CD96: variants seen among roughly 807,000 people sequenced by gnomAD.
CD96 encodes T-cell surface protein tactile.
Under a neutral mutation model 71.3 loss-of-function variants are expected in CD96, and 70 were observed. The observed-to-expected ratio is 0.98, with a 90% CI of 0.81 to 1.20. The LOEUF (loss-of-function observed/expected upper bound fraction) is 1.20, where lower values mean the gene tolerates loss of function less well. Among genes scored for constraint, CD96 ranks in the 50% most tolerant of loss-of-function variants. The pLI is 0.00. For synonymous variants in CD96, 248 were observed against 233.0 expected (o/e 1.06, Z -0.59); for missense variants, 742 against 677.5 (o/e 1.10, Z -1.06).
In CD96 at chr3:111,623,817, C is replaced by T. The variant is rs886057766; in HGVS notation, c.1244C>T (p.Pro415Leu). ...AGTGCCTTGAGGCCAAACACCACTC[C>T]TCAACGTGAGTTCAGCAAAGTTTTC... The part of the protein sequence containing the change: ...DVSALRPNTT[P>L]QPSNSSMTTR... The change falls in exon 9 of 14, where the codon CCT becomes CTT. Residue 415 changes from proline (P) to leucine (L), a missense_variant. Physicochemically the swap from Pro to Leu is moderately conservative, Grantham distance 98 (BLOSUM62 -3). Transcript: ENST00000352690. The T allele has an allele frequency of 1.9e-6, 3 of 1,605,446 alleles. No individual in the cohort carries two copies. Among genetic ancestry groups the T allele is most frequent in the Non-Finnish European group, 2.6e-6 (3 of 1,172,230 alleles).
In CD96 at chr3:111,632,409, C is replaced by A. The variant is rs1006347559; in HGVS notation, c.1322-4787C>A. Among the ~76,000 whole-genome samples, 13 of 152,162 alleles carry A rather than the reference C, an allele frequency of 8.5e-5. No individual in the cohort carries two copies. The South Asian group carries it at 1.2e-3, about 15-fold the overall frequency. On this transcript the variant is annotated intron_variant, in intron 10 of 13. Coordinates refer to ENST00000352690, the MANE Select transcript of CD96 (RefSeq NM_005816.5). ...ATCATTAGAGAAATGCAAATCGAAACCGCAATGAGATACCATCTCACACCA... is the reference window on the plus strand; with the variant it reads ...ATCATTAGAGAAATGCAAATCGAAAACGCAATGAGATACCATCTCACACCA...
intron 2 of CD96, among the ~76,000 whole-genome samples, chr3:111,553,434 CTTT>C (rs34837219): frequency 8.7e-6 from 1 of 115,180 alleles, no homozygotes; most frequent in Admixed American, 9.4e-5. Flanking sequence ...TTTCTTTTTT[CTTT>C]TTTTTTTTTT....
At chr3:111,571,839 T>C (rs1935998904) in intron 3 of CD96, among the ~76,000 whole-genome samples, 2 of 152,240 alleles carry the variant, frequency 1.3e-5, no homozygotes, top group African/African-American at 4.8e-5. Flanking sequence ...TCTAATGTCC[T>C]TATAAAGTAG....
At chr3:111,665,821 C>G (rs546521350), downstream of CD96, 1 of 152,376 alleles carries the variant, frequency 6.6e-6, no homozygotes, top group East Asian at 1.9e-4. Flanking sequence ...CAGAACTGGG[C>G]AGACTCCTGC....
intron 5 of CD96, chr3:111,594,014 A>G: frequency 1.2e-6 from 2 of 1,614,180 alleles, no homozygotes; most frequent in East Asian, 2.2e-5. Context: ...AGCAGGAGCT[A>G]GGTGGAAATA....
intron 10 of CD96, among the ~76,000 whole-genome samples, chr3:111,633,519 TA>T (rs879283646): frequency 3.4e-4 from 52 of 151,826 alleles, no homozygotes; most frequent in Admixed American, 5.9e-4. Flanking sequence ...AAAATAAAAA[TA>T]AAAAAAACAA....
In CD96 at chr3:111,545,177, A is replaced by G. The variant is rs756455715; in HGVS notation, c.193A>G (p.Ile65Val). ...GCAATGGTCCAAGGTCACCAATAAG[A>G]TAGACCTGATTGCTGTCTATCATCC... ...QMQWSKVTNK[I>V]DLIAVYHPQY... is the part of the protein sequence containing the mutation. Residue 65 changes from isoleucine (I) to valine (V), a missense_variant, in exon 2 of 14, where the codon ATA becomes GTA. Coordinates refer to ENST00000352690, the MANE Select transcript of CD96 (RefSeq NM_005816.5). 3 of 1,614,196 alleles carry G rather than the reference A, an allele frequency of 1.9e-6. No individual in the cohort carries two copies. Among genetic ancestry groups the G allele is most frequent in the African/African-American group, 2.7e-5 (2 of 75,058 alleles).
Position 111,545,144 on chromosome 3 carries a change from G to T in CD96, c.160G>T (p.Val54Leu). 1 of 1,614,114 alleles carries T rather than the reference G, an allele frequency of 6.2e-7. No homozygotes were observed. Among genetic ancestry groups the T allele is most frequent in the South Asian group, 1.1e-5 (1 of 91,070 alleles). The part of the protein sequence containing the change: ...TCQTQTVGFF[V>L]QMQWSKVTNK... ...CCAAACACAGACAGTAGGCTTCTTC[G>T]TGCAGATGCAATGGTCCAAGGTCAC... Residue 54 changes from valine (V) to leucine (L), a missense_variant, in exon 2 of 14, where the codon GTG becomes TTG. Val to Leu is a conservative substitution (Grantham distance 32). Coordinates refer to ENST00000352690, the MANE Select transcript of CD96 (RefSeq NM_005816.5).
chr3:111,604,193 A>G (rs974986651), intron 7 of CD96, among the ~76,000 whole-genome samples: 29 of 152,190 alleles, frequency 1.9e-4, no homozygotes, highest in African/African-American at 6.3e-4. Flanking sequence ...CAGTTGCCCT[A>G]TGGGACAGAC....
chr3:111,624,954 T>C (rs1043925924), intron 10 of CD96, among the ~76,000 whole-genome samples: 2 of 152,248 alleles, frequency 1.3e-5, no homozygotes, highest in African/African-American at 4.8e-5. Context: ...AAGAAATATA[T>C]TGCCTCTTAG....
intron 12 of CD96, among the ~76,000 whole-genome samples, chr3:111,645,467 T>A (rs1392175041): frequency 6.6e-6 from 1 of 152,094 alleles, no homozygotes; most frequent in African/African-American, 2.4e-5. Context: ...AAATCACCAC[T>A]AAAGAACTTA....
At chr3:111,552,450 G>A (rs1035785803) in intron 2 of CD96, among the ~76,000 whole-genome samples, 6 of 152,104 alleles carry the variant, frequency 3.9e-5, no homozygotes, top group Admixed American at 3.9e-4. Flanking sequence ...CTCAAGAACT[G>A]AGATAAACAA....
intron 9 of CD96, among the ~76,000 whole-genome samples, 163 bp from the exon 10 acceptor site, chr3:111,624,169 AG>A: frequency 1.3e-5 from 2 of 152,364 alleles, no homozygotes; most frequent in East Asian, 3.9e-4. Flanking sequence ...CATAAACTAC[AG>A]AGCTTTTGCT....
chr3:111,551,678 A>T (rs190482342), intron 2 of CD96, among the ~76,000 whole-genome samples: 1 of 152,222 alleles, frequency 6.6e-6, no homozygotes, highest in East Asian at 1.9e-4. Flanking sequence ...TATTAAGCCC[A>T]GCATCCATTA....
intron 5 of CD96, among the ~76,000 whole-genome samples, chr3:111,596,157 G>C (rs942234785): frequency 8.7e-6 from 1 of 115,524 alleles, no homozygotes; most frequent in Non-Finnish European, 2.2e-5. Flanking sequence ...GGGAGACTCT[G>C]TCTCAAAAAA....
chr3:111,573,938 AAC>A (rs1385076511), intron 3 of CD96, among the ~76,000 whole-genome samples: 1 of 152,250 alleles, frequency 6.6e-6, no homozygotes, highest in Non-Finnish European at 1.5e-5. Context: ...AAGTGTTGAT[AAC>A]CAACAGCAAT....
At chr3:111,606,887 G>C in intron 8 of CD96, 95 bp downstream of exon 8, 1 of 806,094 alleles carries the variant, frequency 1.2e-6, no homozygotes, top group Non-Finnish European at 2.2e-6. Flanking sequence ...CTGTTTCTTA[G>C]CTATGACTTT....
At chr3:111,562,584 C>G (rs1174389471) in intron 2 of CD96, among the ~76,000 whole-genome samples, 1 of 152,116 alleles carries the variant, frequency 6.6e-6, no homozygotes, top group East Asian at 1.9e-4. Flanking sequence ...AAGAAGTTGC[C>G]CCTGCATTGG....
chr3:111,556,205 T>A (rs1935020089), intron 2 of CD96, among the ~76,000 whole-genome samples: 1 of 148,992 alleles, frequency 6.7e-6, no homozygotes, highest in African/African-American at 2.5e-5. Flanking sequence ...AATAACAACT[T>A]CTTTTTTTTT....
Sources: gnomAD v4.1 joint callset for allele counts (sites outside exome capture counted in the v4.1 genomes callset) on GRCh38, gnomAD v4.1.1 for gene constraint, MANE v1.5 for transcripts, NCBI Gene and HGNC (gene_info 2026-07-23, HGNC 2026-07-21) for gene names.